SLC35F3: variants seen among roughly 807,000 people sequenced by gnomAD.
SLC35F3 encodes the protein solute carrier family 35 member F3.
In SLC35F3, 25 loss-of-function variants were observed where a neutral mutation model predicts 49.9. The observed-to-expected ratio is 0.50, with a 90% CI of 0.37 to 0.70. The LOEUF (loss-of-function observed/expected upper bound fraction) is 0.70. Ranked by LOEUF, SLC35F3 falls within the 30% of genes least tolerant of loss-of-function variation. The pLI is 0.00. For missense variants in SLC35F3, 525 were observed against 639.8 expected (o/e 0.82, Z 1.94); for synonymous variants, 275 against 265.4 (o/e 1.04, Z -0.35).
chr1:234,304,375 CTGGTCT>C lies in SLC35F3; in HGVS notation c.609-4723_609-4718del, dbSNP rs556823595. Among the ~76,000 whole-genome samples, 167 of 152,246 alleles carry C rather than the reference CTGGTCT, an allele frequency of 1.1e-3. No individual in the cohort carries two copies. In the Middle Eastern group the frequency reaches 0.017, roughly 16 times the overall value. The stretch of plus-strand genomic sequence containing the variant: ...GCAGGGTTTCACCATATTGGCCAGG[CTGGTCT>C]TGAACTCCTGACCTCAAGTGATCTG... On this transcript the variant is annotated intron_variant, in intron 3 of 7. Transcript: ENST00000366618.
At chr1:233,976,500 G>T (rs75915131) in intron 2 of SLC35F3, among the ~76,000 whole-genome samples, 1 of 152,048 alleles carries the variant, frequency 6.6e-6, no homozygotes, top group African/African-American at 2.4e-5. Flanking sequence ...TGTACCTGTT[G>T]TTTTCTCAGT....
intron 2 of SLC35F3, among the ~76,000 whole-genome samples, chr1:233,959,335 T>C (rs577695954): frequency 6.6e-6 from 1 of 152,248 alleles, no homozygotes; most frequent in East Asian, 1.9e-4. Context: ...ACTTAACGAC[T>C]TTTTGCCCTT....
Position 234,049,873 on chromosome 1 carries a change from T to A in SLC35F3, c.283+144115T>A, listed in dbSNP as rs528672693. On this transcript the variant is annotated intron_variant, in intron 2 of 7. Coordinates refer to ENST00000366618, the MANE Select transcript of SLC35F3 (RefSeq NM_173508.4). ...TCATTGTTCAATTCCCACCTATGAG[T>A]AAGAACATAAGGTGTTTGGTTTTCT... is the stretch of plus-strand genomic sequence containing the variant. Among the ~76,000 whole-genome samples the A allele has an allele frequency of 1.2e-3, 185 of 152,252 alleles. 1 individual carries two copies. Among genetic ancestry groups the A allele is most frequent in the Admixed American group, 4.0e-3 (61 of 15,296 alleles).
chr1:234,091,437 G>A (rs551007827), intron 2 of SLC35F3, among the ~76,000 whole-genome samples: 14 of 152,286 alleles, frequency 9.2e-5, no homozygotes, highest in East Asian at 3.9e-4. Flanking sequence ...GTGGGACCAC[G>A]ACCTGAGGAG....
intron 2 of SLC35F3, among the ~76,000 whole-genome samples, chr1:234,119,835 G>C (rs1170308836): frequency 6.6e-6 from 1 of 152,198 alleles, no homozygotes; most frequent in Non-Finnish European, 1.5e-5. Context: ...CCATCACGCA[G>C]CAATATGCAC....
At chr1:234,206,256 G>A (rs375380457) in intron 2 of SLC35F3, among the ~76,000 whole-genome samples, 1 of 152,066 alleles carries the variant, frequency 6.6e-6, no homozygotes, top group African/African-American at 2.4e-5. Context: ...GCTGGGTCAG[G>A]CATTAAGAGG....
rs1483293140 is a variant in SLC35F3, at chr1:234,323,101, C to G, written c.1331C>G (p.Pro444Arg). ...CTGGGTTTTCTCCTCCTGCTCCTGC[C>G]AGAGGAGTGGGATGTCTGGTTGATC... Reference protein sequence around the residue: ...IGLGFLLLLLPEEWDVWLIKL... With the variant: ...IGLGFLLLLLREEWDVWLIKL... Residue 444 changes from proline to arginine, a missense_variant, in exon 8 of 8, where the codon CCA (proline) becomes CGA (arginine). Around this residue, in one of 4 missense-constraint regions of SLC35F3, gnomAD observed 76 missense variants for 95.6 expected, o/e 0.80. Coordinates refer to ENST00000366618, the MANE Select transcript of SLC35F3 (RefSeq NM_173508.4). This position sits in a 1 kb window ranked among gnomAD's most constrained non-coding sequence, Gnocchi z 4.5. 6.2e-7 allele frequency: 1 copy of G among 1,614,140 alleles called. No homozygotes were observed.
rs199511517 is a variant in SLC35F3, at chr1:233,952,139, CT to C, written c.283+46390del. On this transcript the variant is annotated intron_variant, in intron 2 of 7. Coordinates refer to ENST00000366618, the MANE Select transcript of SLC35F3 (RefSeq NM_173508.4). The stretch of plus-strand genomic sequence containing the variant: ...ACAATTTCGTTTTCTTTTTATGGTG[CT>C]TTTTTTTTCTTCTACTTCTTTCATG... Among the ~76,000 whole-genome samples, 20 of 151,168 alleles carry C rather than the reference CT, an allele frequency of 1.3e-4. No individual in the cohort carries two copies. The East Asian group carries it at 3.3e-3, about 25-fold the overall frequency.
chr1:234,141,082 A>G (rs572466184), intron 2 of SLC35F3, among the ~76,000 whole-genome samples: 51 of 152,320 alleles, frequency 3.3e-4, no homozygotes, highest in African/African-American at 1.1e-3. Flanking sequence ...TCATTTTTCA[A>G]AGCAGTCACT....
At chr1:234,319,029 A>C in intron 6 of SLC35F3, 86 bp downstream of exon 6, 1 of 1,124,908 alleles carries the variant, frequency 8.9e-7, no homozygotes, top group Non-Finnish European at 1.3e-6. Context: ...AAGGCAGAAA[A>C]CAGTGCTCTT....
chr1:234,044,697 T>C (rs1207847260), intron 2 of SLC35F3, among the ~76,000 whole-genome samples: 1 of 152,232 alleles, frequency 6.6e-6, no homozygotes, highest in African/African-American at 2.4e-5. Flanking sequence ...CCAATACATT[T>C]TTTAGTCATT....
intron 2 of SLC35F3, among the ~76,000 whole-genome samples, chr1:234,152,386 C>T (rs929087948): frequency 3.9e-5 from 6 of 152,086 alleles, no homozygotes; most frequent in African/African-American, 1.4e-4. Context: ...TCTCCCCTAG[C>T]CTCCCATCCA....
intron 2 of SLC35F3, among the ~76,000 whole-genome samples, chr1:234,085,137 C>T (rs1320241285): frequency 2.6e-5 from 4 of 152,170 alleles, no homozygotes; most frequent in Non-Finnish European, 4.4e-5. Flanking sequence ...GTCTAGAACA[C>T]CAGTAAATGC....
chr1:234,262,572 C>T (rs1572121901), intron 3 of SLC35F3, among the ~76,000 whole-genome samples: 1 of 152,128 alleles, frequency 6.6e-6, no homozygotes, highest in Non-Finnish European at 1.5e-5. Context: ...TTTTATTACT[C>T]CCTTCCTGGT....
intron 2 of SLC35F3, among the ~76,000 whole-genome samples, chr1:234,098,698 G>A (rs1302887360): frequency 1.3e-5 from 2 of 151,262 alleles, no homozygotes; most frequent in Admixed American, 1.3e-4. Flanking sequence ...GACTGTATTG[G>A]TGGTGGTAGT....
chr1:234,063,851 T>G (rs1458967341), intron 2 of SLC35F3, among the ~76,000 whole-genome samples: 1 of 152,200 alleles, frequency 6.6e-6, no homozygotes, highest in African/African-American at 2.4e-5. Flanking sequence ...TTTTTGGCAT[T>G]CACCTAGAAC....
Position 234,231,324 on chromosome 1 carries a change from A to G in SLC35F3, c.284-93A>G. On this transcript the variant is annotated intron_variant, in intron 2 of 7. Coordinates refer to ENST00000366618, the MANE Select transcript of SLC35F3 (RefSeq NM_173508.4). The surrounding 1 kb of genome is among the most constrained non-coding windows in gnomAD (Gnocchi z 5.4). ...CCGCTATCTCCCCGGGCCCCCAGGT[A>G]GCTGGTGGTGACAATGGCTGCAGGG... 1 of 1,060,456 alleles carries G rather than the reference A, an allele frequency of 9.4e-7. No individual in the cohort carries two copies. The highest frequency in any genetic ancestry group is 3.2e-4 in the Middle Eastern group (1 of 3,126). The allele number at this position is 1,060,456 out of a possible 1,614,324, so 65.7% of individuals were successfully genotyped here. A position where few individuals can be genotyped will look rare whatever the true frequency, so the allele number is the denominator to read the frequency against.
At chr1:234,135,601 T>C (rs1463502) in intron 2 of SLC35F3, among the ~76,000 whole-genome samples, 36,705 of 152,096 alleles carry the variant, frequency 0.24, 6,014 homozygotes, top group East Asian at 0.75. Context: ...GGAAACCAGG[T>C]GCAAGTTTCC....
At chr1:234,201,929 AAAG>A (rs1175845597) in intron 2 of SLC35F3, among the ~76,000 whole-genome samples, 9 of 152,144 alleles carry the variant, frequency 5.9e-5, no homozygotes, top group South Asian at 2.1e-4. Flanking sequence ...AAAAAAAAAA[AAAG>A]AAGGAGTTAA....
Sources: allele counts gnomAD v4.1 joint callset (sites outside exome capture counted in the v4.1 genomes callset), GRCh38; gene constraint gnomAD v4.1.1; regional missense constraint gnomAD v4.1.1; non-coding constraint Gnocchi (gnomAD v3.1); transcripts MANE v1.5; gene names NCBI Gene and HGNC (gene_info 2026-07-23, HGNC 2026-07-21).